NRXN3: variants seen among roughly 807,000 people sequenced by gnomAD.
The protein encoded by NRXN3 is neurexin III.
NRXN3 carries 32 observed loss-of-function variants against 137.6 expected under a neutral mutation model. The ratio of observed to expected loss-of-function variants is 0.23; its 90% confidence interval spans 0.18 to 0.31. The LOEUF (loss-of-function observed/expected upper bound fraction) is 0.31. NRXN3 is among the 10% of genes least tolerant of loss of function. The pLI, the probability that NRXN3 is intolerant of heterozygous loss-of-function variation, is 1.00. For missense variants in NRXN3, 1,574 were observed against 2,062.5 expected (o/e 0.76, Z 4.59); for synonymous variants, 798 against 784.5 (o/e 1.02, Z -0.29).
chr14:79,598,051 C>T (rs1017884274), intron 16 of NRXN3, among the ~76,000 whole-genome samples: 2 of 152,030 alleles, frequency 1.3e-5, no homozygotes, highest in Non-Finnish European at 2.9e-5. Flanking sequence ...AATTTGAATA[C>T]TCAAACAAGA....
chr14:78,667,242 A>T (rs937514700), intron 6 of NRXN3, among the ~76,000 whole-genome samples: 1 of 152,166 alleles, frequency 6.6e-6, no homozygotes, highest in Admixed American at 6.5e-5. Flanking sequence ...GCCTTGGACA[A>T]GTTAGTTAGT....
intron 20 of NRXN3, among the ~76,000 whole-genome samples, chr14:79,855,586 TATTTG>T (rs2099400863): frequency 6.6e-6 from 1 of 152,130 alleles, no homozygotes; most frequent in African/African-American, 2.4e-5. Context: ...AAATACAAGC[TATTTG>T]AATTATAAAT....
chr14:78,557,773 G>T (rs1284710881), intron 4 of NRXN3, among the ~76,000 whole-genome samples: 1 of 151,840 alleles, frequency 6.6e-6, no homozygotes, highest in African/African-American at 2.4e-5. Context: ...AAGCGTCAAA[G>T]AATATCTACA....
intron 4 of NRXN3, among the ~76,000 whole-genome samples, chr14:78,607,561 G>C (rs931287029): frequency 1.3e-5 from 2 of 152,194 alleles, no homozygotes; most frequent in Non-Finnish European, 2.9e-5. Context: ...CCTGCTATTT[G>C]CCTGGTGCTG....
At chr14:78,870,306 A>C (rs748402095) in intron 10 of NRXN3, among the ~76,000 whole-genome samples, 22 of 152,228 alleles carry the variant, frequency 1.4e-4, no homozygotes, top group Non-Finnish European at 2.4e-4. Flanking sequence ...GTTGCTCAAC[A>C]AATGTTGGCT....
intron 4 of NRXN3, among the ~76,000 whole-genome samples, chr14:78,381,289 AC>A (rs2153631069): frequency 6.6e-6 from 1 of 152,362 alleles, no homozygotes; most frequent in South Asian, 2.1e-4. Flanking sequence ...AAATTAATAA[AC>A]TTCATAAAAA....
At chr14:79,601,963 ATTATGAAT>A (rs137897323) in intron 16 of NRXN3, among the ~76,000 whole-genome samples, 17,391 of 152,168 alleles carry the variant, frequency 0.11, 1,099 homozygotes, top group South Asian at 0.23. Context: ...ATGGACCAAT[ATTATGAAT>A]TTATCTTCTT....
intron 4 of NRXN3, among the ~76,000 whole-genome samples, chr14:78,485,134 G>A (rs1177731725): frequency 2.6e-5 from 4 of 152,136 alleles, no homozygotes; most frequent in South Asian, 2.1e-4. Flanking sequence ...CTGGCTCCAG[G>A]AGAGATTGAG....
intron 10 of NRXN3, among the ~76,000 whole-genome samples, chr14:78,953,805 T>C (rs1250951779): frequency 6.6e-6 from 1 of 152,166 alleles, no homozygotes; most frequent in African/African-American, 2.4e-5. Flanking sequence ...GAGGGAAAAA[T>C]ACATGTAATA....
At chr14:78,459,865 G>T (rs985793683) in intron 4 of NRXN3, among the ~76,000 whole-genome samples, 23 of 152,144 alleles carry the variant, frequency 1.5e-4, no homozygotes, top group African/African-American at 5.6e-4. Context: ...ATCAGATTCT[G>T]ACACTGTCTA....
At chr14:78,318,596 A>C (rs1056297667) in intron 4 of NRXN3, among the ~76,000 whole-genome samples, 1 of 152,034 alleles carries the variant, frequency 6.6e-6, no homozygotes. Context: ...CACACATTTC[A>C]TCTAGGATTT....
At chr14:78,472,306 A>T (rs1370397621) in intron 4 of NRXN3, among the ~76,000 whole-genome samples, 2 of 152,140 alleles carry the variant, frequency 1.3e-5, no homozygotes, top group East Asian at 3.9e-4. Context: ...GAACTTAAGG[A>T]TCGGGGAAGT....
chr14:78,691,264 A>G (rs1045131615), intron 6 of NRXN3, among the ~76,000 whole-genome samples: 5 of 152,202 alleles, frequency 3.3e-5, no homozygotes, highest in Non-Finnish European at 7.3e-5. Flanking sequence ...TTAGGAAGCA[A>G]CTAAGTTAAA....
chr14:78,889,121 A>T lies in NRXN3; in HGVS notation c.2276-68121A>T, dbSNP rs566309998. Among the ~76,000 whole-genome samples, 41 of 152,094 alleles carry T rather than the reference A, an allele frequency of 2.7e-4. 1 individual carries two copies. The South Asian group carries it at 8.3e-3, about 31-fold the overall frequency. ...TAAATCATACATAGCAAGATGCAGG[A>T]CTAGTTTAATTGTTGTCACTTTTAG... On this transcript the variant is annotated intron_variant, in intron 10 of 20. Transcript: ENST00000335750.
intron 16 of NRXN3, among the ~76,000 whole-genome samples, chr14:79,542,987 G>T (rs936090469): frequency 2.0e-5 from 3 of 152,112 alleles, no homozygotes; most frequent in Non-Finnish European, 2.9e-5. Flanking sequence ...AGGAGAAAAG[G>T]GCTCTGTAAA....
At chr14:78,653,181 G>T (rs2097760141) in intron 6 of NRXN3, among the ~76,000 whole-genome samples, 1 of 152,196 alleles carries the variant, frequency 6.6e-6, no homozygotes, top group African/African-American at 2.4e-5. Context: ...ATGTTACCTA[G>T]GCTTCTGCTG....
In NRXN3 at chr14:78,956,087, A is replaced by G. The variant is rs200956932; in HGVS notation, c.2276-1155A>G. ...TTTCCAAACTATTTCACATATATCC[A>G]TAGGGATATATTAGCCACTTATATG... On this transcript the variant is annotated intron_variant, in intron 10 of 20. Transcript: ENST00000335750. Among the ~76,000 whole-genome samples, 7 of 152,284 alleles carry G rather than the reference A, an allele frequency of 4.6e-5. No individual in the cohort carries two copies. In the East Asian group the frequency reaches 1.4e-3, roughly 29 times the overall value.
At chr14:79,323,646 C>T (rs924387826) in intron 15 of NRXN3, among the ~76,000 whole-genome samples, 3 of 151,496 alleles carry the variant, frequency 2.0e-5, no homozygotes, top group Non-Finnish European at 2.9e-5. Flanking sequence ...GATCACAAGG[C>T]CAAGAGATCG....
At chr14:78,458,380 G>A (rs2094815210) in intron 4 of NRXN3, among the ~76,000 whole-genome samples, 2 of 152,184 alleles carry the variant, frequency 1.3e-5, no homozygotes, top group South Asian at 2.1e-4. Flanking sequence ...TGTGGAATGT[G>A]TGTACCACCA....
Sources: allele counts gnomAD v4.1 joint callset (sites outside exome capture counted in the v4.1 genomes callset), GRCh38; gene constraint gnomAD v4.1.1; transcripts MANE v1.5; gene names NCBI Gene and HGNC (gene_info 2026-07-23, HGNC 2026-07-21).